NID1: variants seen among roughly 807,000 people sequenced by gnomAD.
NID1 encodes nidogen 1.
Under a neutral mutation model 130.6 loss-of-function variants are expected in NID1, and 76 were observed. The ratio of observed to expected loss-of-function variants is 0.58; its 90% CI spans 0.48 to 0.70. The LOEUF is 0.70. Ranked by LOEUF, NID1 falls within the 30% of genes least tolerant of loss-of-function variation. The pLI is 0.00. For synonymous variants in NID1, 665 were observed against 675.1 expected (o/e 0.98, Z 0.23); for missense variants, 1,517 against 1,664.8 (o/e 0.91, Z 1.54).
rs1165261120 is a variant in NID1, at chr1:235,977,141, G to C, written c.*726C>G. On this transcript the variant is annotated 3_prime_UTR_variant, in exon 20 of 20. Coordinates refer to ENST00000264187, the MANE Select transcript of NID1 (RefSeq NM_002508.3). ...AATTCCTACCATTGGACATTCTTTT[G>C]ATTTAAGCCTTTAACTAACAAATGC... 1 of 152,126 alleles carries C rather than the reference G, an allele frequency of 6.6e-6. No homozygotes were observed. The highest frequency in any genetic ancestry group is 1.5e-5 in the Non-Finnish European group (1 of 68,022). The allele number at this position is 152,126 out of a possible 1,614,324, so 9.4% of individuals were successfully genotyped here. A position where few individuals can be genotyped will look rare whatever the true frequency, so the allele number is the denominator to read the frequency against.
intron 1 of NID1, among the ~76,000 whole-genome samples, chr1:236,061,819 T>C (rs1315129002): frequency 6.6e-6 from 1 of 151,930 alleles, no homozygotes; most frequent in Non-Finnish European, 1.5e-5. Flanking sequence ...AATGAGCACA[T>C]GAAAAGATTC....
chr1:236,031,111 T>C (rs1435724497), intron 6 of NID1, among the ~76,000 whole-genome samples: 1 of 151,234 alleles, frequency 6.6e-6, no homozygotes, highest in Non-Finnish European at 1.5e-5. Context: ...AATCCTTTTC[T>C]TTTTTTCTTT....
At position 236,013,520 on chromosome 1, in the gene NID1, G is replaced by A. The variant is rs1484333648; in HGVS notation, c.2295C>T (p.Gly765=). The part of the protein sequence containing the change: ...DQRPINYCET[G]LHNCDIPQRA... ...GCTGGGGTATGTCGCAGTTATGAAGGCCAGTTTCACAGTAGTTGATGGGGC... is the reference window on the plus strand; with the variant it reads ...GCTGGGGTATGTCGCAGTTATGAAGACCAGTTTCACAGTAGTTGATGGGGC... The change falls in exon 11 of 20, where the codon GGC becomes GGT. Residue 765 remains glycine, a synonymous_variant. Transcript: ENST00000264187. 4.3e-6 allele frequency: 7 copies of A among 1,614,018 alleles called. No homozygotes were observed. Among genetic ancestry groups the A allele is most frequent in the South Asian group, 1.1e-5 (1 of 91,086 alleles).
chr1:235,977,607 CAG>C lies in NID1; in HGVS notation c.*258_*259del, dbSNP rs1657305998. The C allele has an allele frequency of 2.3e-6, 1 of 428,034 alleles. No individual in the cohort carries two copies. The highest frequency in any genetic ancestry group is 2.0e-5 in the African/African-American group (1 of 49,880). 26.5% of individuals were successfully genotyped at this position (428,034 alleles called of 1,614,324 possible). A position where few individuals can be genotyped will look rare whatever the true frequency, so the allele number is the denominator to read the frequency against. On this transcript the variant is annotated 3_prime_UTR_variant, in exon 20 of 20. Coordinates refer to ENST00000264187, the MANE Select transcript of NID1 (RefSeq NM_002508.3). Reference sequence around the variant, plus strand: ...CTGGGATGGGCATGTAATCCTCACTCAGGGGTGTATAAGTCTGTCTGAGGGTT... The same window carrying C: ...CTGGGATGGGCATGTAATCCTCACTCGGGTGTATAAGTCTGTCTGAGGGTT...
chr1:236,038,053 A>G lies in NID1; in HGVS notation c.1285+51T>C, dbSNP rs370588332. 3.6e-5 allele frequency: 56 copies of G among 1,551,618 alleles called. 2 individuals are homozygous for G. The African/African-American group carries it at 7.5e-4, about 21-fold the overall frequency. ...CATGGAAAACGAGCACCAAAACAAA[A>G]ACTCCGCTCCTCCTTCTCCCGCATG... is the stretch of plus-strand genomic sequence containing the variant. On this transcript the variant is annotated intron_variant, in intron 5 of 19. Coordinates refer to ENST00000264187, the MANE Select transcript of NID1 (RefSeq NM_002508.3).
chr1:236,061,464 T>G (rs1660033687), intron 1 of NID1, among the ~76,000 whole-genome samples: 1 of 152,170 alleles, frequency 6.6e-6, no homozygotes, highest in Non-Finnish European at 1.5e-5. Flanking sequence ...TTCTTCTCTT[T>G]TTTTTGTTTT....
chr1:236,038,306 C>G (rs772846679), intron 4 of NID1, 53 bp from the exon 5 acceptor site: 1 of 1,579,098 alleles, frequency 6.3e-7, no homozygotes, highest in Non-Finnish European at 8.7e-7. Flanking sequence ...AGCTCTAGCC[C>G]GGTGGGCTCT....
At position 235,979,890 on chromosome 1, in the gene NID1, G is replaced by A. The variant is rs1479929297; in HGVS notation, c.3441C>T (p.Leu1147=). 5 of 1,613,996 alleles carry A rather than the reference G, an allele frequency of 3.1e-6. No homozygotes were observed. In the South Asian group the frequency reaches 4.4e-5, roughly 14 times the overall value. The part of the protein sequence containing the change: ...NPSQPSRRKA[L]EGLQYPFAVT... ...CAGCAAAAGGATACTGGAGCCCTTC[G>A]AGAGCCTTGCGTCTGCTGGGCTGAC... Residue 1147 remains leucine, a synonymous_variant, in exon 18 of 20, where the codon CTC becomes CTT. Transcript: ENST00000264187. The surrounding 1 kb of genome is among the most constrained non-coding windows in gnomAD (Gnocchi z 4.6).
At chr1:235,983,247 G>T (rs1185116149) in intron 15 of NID1, among the ~76,000 whole-genome samples, 1 of 152,210 alleles carries the variant, frequency 6.6e-6, no homozygotes, top group Non-Finnish European at 1.5e-5. Context: ...CTTCGCCAGA[G>T]CCCTAATATG....
chr1:236,006,688 A>C (rs567437274), intron 12 of NID1, among the ~76,000 whole-genome samples: 7 of 152,336 alleles, frequency 4.6e-5, no homozygotes, highest in African/African-American at 1.7e-4. Context: ...ACAACTACAG[A>C]TGCCAGGTTA....
intron 12 of NID1, among the ~76,000 whole-genome samples, chr1:235,996,848 T>G (rs998989549): frequency 1.3e-5 from 2 of 152,100 alleles, no homozygotes; most frequent in Non-Finnish European, 2.9e-5. Context: ...GTGCTTTTTT[T>G]TCTGAGATGG....
At position 235,993,889 on chromosome 1, in the gene NID1, C is replaced by G. The variant is rs753674717; in HGVS notation, c.2528-17G>C. On this transcript the variant is annotated splice_polypyrimidine_tract_variant and intron_variant, in intron 12 of 19. Transcript: ENST00000264187. ...TCTCCACCTCTATCAGAGAAACAGG[C>G]AACAAGAAAGCTGTCAGGTGCGTCA... 2 of 1,598,828 alleles carry G rather than the reference C, an allele frequency of 1.3e-6. No individual in the cohort carries two copies. The highest frequency in any genetic ancestry group is 1.7e-6 in the Non-Finnish European group (2 of 1,167,782).
intron 3 of NID1, among the ~76,000 whole-genome samples, chr1:236,044,836 G>A (rs1659551605): frequency 8.6e-6 from 1 of 116,934 alleles, no homozygotes; most frequent in African/African-American, 4.0e-5. Context: ...GGTTTTCTCA[G>A]CCTTGAGATC....
intron 9 of NID1, among the ~76,000 whole-genome samples, chr1:236,019,338 A>T (rs762988724): frequency 3.9e-5 from 6 of 152,268 alleles, no homozygotes; most frequent in Non-Finnish European, 7.3e-5. Flanking sequence ...GTCTGGAAAC[A>T]TTGTACATAT....
intron 1 of NID1, among the ~76,000 whole-genome samples, chr1:236,054,012 C>T (rs1285297064): frequency 6.6e-6 from 1 of 152,018 alleles, no homozygotes; most frequent in Non-Finnish European, 1.5e-5. Flanking sequence ...ATACAGGAGA[C>T]AGAAGAACAT....
rs778152541 is a variant in NID1 at position 236,056,000 on chromosome 1, C to A, written c.226-7011G>T. 1.3e-4 allele frequency among the ~76,000 whole-genome samples: 20 copies of A among 152,148 alleles called. No homozygotes were observed. In the South Asian group the frequency reaches 1.5e-3, roughly 11 times the overall value. On this transcript the variant is annotated intron_variant, in intron 1 of 19. Transcript: ENST00000264187. ...AGAGGTGAACCCACACATTTACGGT[C>A]AACTAGTGTTTGACAGGGCCACCAA...
intron 7 of NID1, 102 bp from the exon 8 acceptor site, chr1:236,026,243 T>G: frequency 6.9e-7 from 1 of 1,456,090 alleles, no homozygotes; most frequent in Non-Finnish European, 9.4e-7. Context: ...ACCAGTGGTA[T>G]TCCCTGCCCA....
chr1:235,999,377 CTG>C (rs1658014566), intron 12 of NID1, among the ~76,000 whole-genome samples: 2 of 151,902 alleles, frequency 1.3e-5, no homozygotes, highest in African/African-American at 4.8e-5. Flanking sequence ...GGAACCTCAA[CTG>C]TACTCAGGAA....
At chr1:236,019,855 A>T (rs998614286) in intron 9 of NID1, among the ~76,000 whole-genome samples, 1 of 152,036 alleles carries the variant, frequency 6.6e-6, no homozygotes, top group Non-Finnish European at 1.5e-5. Context: ...CAGCCTGACC[A>T]ACATGGTGAA....
Sources: gnomAD v4.1 joint callset for allele counts (sites outside exome capture counted in the v4.1 genomes callset) on GRCh38, gnomAD v4.1.1 for gene constraint, Gnocchi (gnomAD v3.1) non-coding constraint, MANE v1.5 for transcripts, NCBI Gene and HGNC (gene_info 2026-07-23, HGNC 2026-07-21) for gene names.